Variants in CHAMP1 observed in about 807,000 individuals in gnomAD.
CHAMP1 encodes chromosome alignment-maintaining phosphoprotein 1.
CHAMP1 carries 4 observed loss-of-function variants against 54.5 expected under a neutral mutation model. That is an observed-to-expected ratio of 0.07 (90% CI 0.04 to 0.17). The LOEUF (loss-of-function observed/expected upper bound fraction) is 0.17. CHAMP1 is among the 10% of genes least tolerant of loss of function. CHAMP1 has a pLI of 1.00. For synonymous variants in CHAMP1, 368 were observed against 342.2 expected (o/e 1.08, Z -0.83); for missense variants, 994 against 968.6 (o/e 1.03, Z -0.35).
At position 114,326,710 on chromosome 13, in the gene CHAMP1, A is replaced by G. The variant is rs532020013; in HGVS notation, c.*429A>G. The G allele has an allele frequency of 6.8e-4, 115 of 168,188 alleles. No individual in the cohort carries two copies. The highest frequency in any genetic ancestry group is 2.3e-3 in the African/African-American group (97 of 41,638). 10.4% of individuals were successfully genotyped at this position (168,188 alleles called of 1,614,324 possible). A position where few individuals can be genotyped will look rare whatever the true frequency, so the allele number is the denominator to read the frequency against. ...AATTTGAGAAATTTTGTTTCCTTAC[A>G]TGTATTTTTAAATCATAAGAGTTAT... On this transcript the variant is annotated 3_prime_UTR_variant, in exon 3 of 3. Coordinates refer to ENST00000361283, the MANE Select transcript of CHAMP1 (RefSeq NM_032436.4).
rs2087237868 is a variant in CHAMP1 at position 114,325,549 on chromosome 13, C to T, written c.1707C>T (p.Phe569=). Residue 569 remains phenylalanine (F), a synonymous_variant, in exon 3 of 3, where the codon TTC becomes TTT. Coordinates refer to ENST00000361283, the MANE Select transcript of CHAMP1 (RefSeq NM_032436.4). ...CTGAACTCCCCAAATCTGCTCTATT[C>T]TCAGAATCACAGAAGGCTGTTGAGC... is the stretch of plus-strand genomic sequence containing the variant. The part of the protein sequence containing the change: ...LFPELPKSAL[F]SESQKAVELG... The T allele has an allele frequency of 6.2e-7, 1 of 1,614,050 alleles. No homozygotes were observed. The highest frequency in any genetic ancestry group is 1.3e-5 in the African/African-American group (1 of 74,908).
rs1469414337 is a variant in CHAMP1 at position 114,316,531 on chromosome 13, A to T, written c.-179+1888A>T. ...CTTGAACCTGGGAGGTGGAGATTGC[A>T]GTGAGCCGAGATTGCGCCATTACAC... On this transcript the variant is annotated intron_variant, in intron 1 of 2. Transcript: ENST00000361283. Among the ~76,000 whole-genome samples the T allele has an allele frequency of 2.6e-5, 4 of 151,472 alleles. No individual in the cohort carries two copies. The East Asian group carries it at 7.9e-4, about 30-fold the overall frequency.
intron 1 of CHAMP1, among the ~76,000 whole-genome samples, chr13:114,318,183 T>TC (rs1199122047): frequency 7.2e-5 from 11 of 152,200 alleles, no homozygotes; most frequent in Non-Finnish European, 1.6e-4. Context: ...AAAAAACTGT[T>TC]CCCTCTGACC....
chr13:114,324,530 C>A lies in CHAMP1; in HGVS notation c.688C>A (p.Gln230Lys). ...ATLSNPKPQKQSHFPETLGPP... is the reference protein window; with the variant it reads ...ATLSNPKPQKKSHFPETLGPP... Reference sequence around the variant, plus strand: ...TCTTAGTAATCCCAAACCCCAGAAGCAGTCTCATTTCCCGGAAACATTGGG... The same window carrying A: ...TCTTAGTAATCCCAAACCCCAGAAGAAGTCTCATTTCCCGGAAACATTGGG... Residue 230 changes from glutamine (Q) to lysine (K), a missense_variant, in exon 3 of 3, where the codon CAG becomes AAG. Physicochemically the swap from Gln to Lys is moderately conservative, Grantham distance 53. Transcript: ENST00000361283. The A allele has an allele frequency of 6.2e-7, 1 of 1,614,176 alleles. No homozygotes were observed.
At chr13:114,318,764 A>G (rs921262329) in intron 1 of CHAMP1, among the ~76,000 whole-genome samples, 3 of 142,502 alleles carry the variant, frequency 2.1e-5, no homozygotes, top group Non-Finnish European at 4.5e-5. Context: ...GATAGCTCAT[A>G]TATTATCTAT....
chr13:114,327,144 A>T lies in CHAMP1; in HGVS notation c.*863A>T, dbSNP rs1290768386. The T allele has an allele frequency of 1.2e-5, 2 of 167,008 alleles. No individual in the cohort carries two copies. Among genetic ancestry groups the T allele is most frequent in the Non-Finnish European group, 2.9e-5 (2 of 68,112 alleles). 10.3% of individuals were successfully genotyped at this position (167,008 alleles called of 1,614,324 possible). On this transcript the variant is annotated 3_prime_UTR_variant, in exon 3 of 3. Transcript: ENST00000361283. ...AGACCAGGTTGATAAGTAGGAACTG[A>T]AAGTCTTCCAGATTCACAGTAGAAA...
intron 1 of CHAMP1, among the ~76,000 whole-genome samples, chr13:114,315,185 C>A (rs1007309975): frequency 6.6e-6 from 1 of 152,142 alleles, no homozygotes; most frequent in Admixed American, 6.5e-5. Context: ...TGCTCAACAT[C>A]ACTAACCATT....
intron 2 of CHAMP1, chr13:114,322,583 A>C (rs566593648): frequency 6.6e-6 from 1 of 152,334 alleles, no homozygotes; most frequent in East Asian, 1.9e-4. Flanking sequence ...CAGTAATAGA[A>C]GTTTTTGAGA....
At chr13:114,319,155 C>T (rs1402745886) in intron 1 of CHAMP1, among the ~76,000 whole-genome samples, 1 of 152,058 alleles carries the variant, frequency 6.6e-6, no homozygotes, top group Non-Finnish European at 1.5e-5. Flanking sequence ...GATAGCAGAA[C>T]TTTATTCTCT....
chr13:114,325,410 C>G lies in CHAMP1; in HGVS notation c.1568C>G (p.Thr523Ser). The change falls in exon 3 of 3, where the codon ACT becomes AGT. Residue 523 changes from threonine (T) to serine (S), a missense_variant. Physicochemically the swap from Thr to Ser is moderately conservative, Grantham distance 58. Transcript: ENST00000361283. The stretch of plus-strand genomic sequence containing the variant: ...TGGAAGCCTGTTCTCTCTATCGATA[C>G]TGAGCCTAGAAAACCTGCCCTGTTT... ...DIWKPVLSID[T>S]EPRKPALFPE... 6.2e-7 allele frequency: 1 copy of G among 1,614,170 alleles called. No individual in the cohort carries two copies. Among genetic ancestry groups the G allele is most frequent in the Non-Finnish European group, 8.5e-7 (1 of 1,180,038 alleles).
chr13:114,325,512 A>G lies in CHAMP1; in HGVS notation c.1670A>G (p.His557Arg), dbSNP rs1555379839. ...KRALFPEPRK[H>R]ALFPELPKSA... ...GCCCTTTTTCCAGAGCCCCGGAAGC[A>G]TGCCCTTTTCCCTGAACTCCCCAAA... The change falls in exon 3 of 3, where the codon CAT becomes CGT. Residue 557 changes from histidine to arginine, a missense_variant. Around this residue, in one of 3 missense-constraint regions of CHAMP1, gnomAD observed 851 missense variants for 701.3 expected, o/e 1.21. Transcript: ENST00000361283. The G allele has an allele frequency of 5.0e-6, 8 of 1,614,182 alleles. No individual in the cohort carries two copies. Among genetic ancestry groups the G allele is most frequent in the Non-Finnish European group, 4.2e-6 (5 of 1,180,044 alleles).
At chr13:114,317,539 T>G (rs1242387624) in intron 1 of CHAMP1, among the ~76,000 whole-genome samples, 1 of 152,006 alleles carries the variant, frequency 6.6e-6, no homozygotes, top group African/African-American at 2.4e-5. Context: ...CGGGGGGATC[T>G]CTGGAGCCCA....
At chr13:114,323,140 G>A (rs529070562) in intron 2 of CHAMP1, 1 of 152,184 alleles carries the variant, frequency 6.6e-6, no homozygotes, top group East Asian at 1.9e-4. Context: ...ACGCCATATT[G>A]CAAAGCACTG....
chr13:114,325,927 AGAG>A lies in CHAMP1; in HGVS notation c.2089_2091del (p.Glu697del). 6.2e-7 allele frequency: 1 copy of A among 1,614,164 alleles called. No homozygotes were observed. The highest frequency in any genetic ancestry group is 8.5e-7 in the Non-Finnish European group (1 of 1,180,006). Reference sequence around the variant, plus strand: ...AAGAAAAAGAAGCTTTTATCTCTGAAGAGGAGATTGCAAAATACATGAAGCGTG... The same window carrying A: ...AAGAAAAAGAAGCTTTTATCTCTGAAGAGATTGCAAAATACATGAAGCGTG... On this transcript the variant is annotated inframe_deletion, in exon 3 of 3. Coordinates refer to ENST00000361283, the MANE Select transcript of CHAMP1 (RefSeq NM_032436.4).
chr13:114,325,236 T>C lies in CHAMP1; in HGVS notation c.1394T>C (p.Phe465Ser). ...QRKTSPASLDFPESQKSSRGG... is the reference protein window; with the variant it reads ...QRKTSPASLDSPESQKSSRGG... ...AAAACTTCTCCTGCTTCACTTGATT[T>C]CCCTGAGTCCCAGAAAAGTTCCCGT... The change falls in exon 3 of 3, where the codon TTC becomes TCC. Residue 465 changes from phenylalanine to serine, a missense_variant. Physicochemically the swap from Phe to Ser is radical, Grantham distance 155 (BLOSUM62 -2). Transcript: ENST00000361283. 6.2e-7 allele frequency: 1 copy of C among 1,614,154 alleles called. No homozygotes were observed. Among genetic ancestry groups the C allele is most frequent in the Non-Finnish European group, 8.5e-7 (1 of 1,180,028 alleles).
rs534613465 is a variant in CHAMP1 at position 114,326,470 on chromosome 13, T to C, written c.*189T>C. On this transcript the variant is annotated 3_prime_UTR_variant, in exon 3 of 3. Transcript: ENST00000361283. ...CTGGTCTCTGTCTATGTGACTATCT[T>C]GTAAGTCAATAAATTTCTGTATAGT... 444 of 573,562 alleles carry C rather than the reference T, an allele frequency of 7.7e-4. No homozygotes were observed. The highest frequency in any genetic ancestry group is 1.2e-3 in the Non-Finnish European group (403 of 342,204). The allele number at this position is 573,562 out of a possible 1,614,324, so 35.5% of individuals were successfully genotyped here.
In CHAMP1 at chr13:114,325,771, G is replaced by A. The variant is rs782806654; in HGVS notation, c.1929G>A (p.Ala643=). Residue 643 remains alanine (A), a synonymous_variant, in exon 3 of 3, where the codon GCG becomes GCA. Coordinates refer to ENST00000361283, the MANE Select transcript of CHAMP1 (RefSeq NM_032436.4). The stretch of plus-strand genomic sequence containing the variant: ...AGTACATAAAAACAGATTTGGATGC[G>A]ATGGATATTAAGGGCCAGGAATCAA... ...SSEYIKTDLD[A]MDIKGQESSS... is the part of the protein sequence containing the mutation. The A allele has an allele frequency of 5.6e-6, 9 of 1,614,048 alleles. No homozygotes were observed. Among genetic ancestry groups the A allele is most frequent in the Admixed American group, 5.0e-5 (3 of 60,010 alleles).
At chr13:114,315,272 A>G (rs1226098308) in intron 1 of CHAMP1, among the ~76,000 whole-genome samples, 2 of 152,156 alleles carry the variant, frequency 1.3e-5, no homozygotes, top group African/African-American at 4.8e-5. Flanking sequence ...AAGGGAAATT[A>G]TGAGTGTTGG....
In CHAMP1 at chr13:114,324,511, T is replaced by A; in HGVS notation, c.669T>A (p.Ser223Arg). Residue 223 changes from serine to arginine, a missense_variant, in exon 3 of 3, where the codon AGT (serine) becomes AGA (arginine). Ser to Arg is a moderately radical substitution (Grantham distance 110). Transcript: ENST00000361283. ...VSPESVKATL[S>R]NPKPQKQSHF... Reference sequence around the variant, plus strand: ...CTGAGTCAGTAAAGGCTACTCTTAGTAATCCCAAACCCCAGAAGCAGTCTC... The same window carrying A: ...CTGAGTCAGTAAAGGCTACTCTTAGAAATCCCAAACCCCAGAAGCAGTCTC... 3 of 1,614,026 alleles carry A rather than the reference T, an allele frequency of 1.9e-6. No homozygotes were observed. Among genetic ancestry groups the A allele is most frequent in the South Asian group, 1.1e-5 (1 of 91,082 alleles).
Sources: allele counts gnomAD v4.1 joint callset (sites outside exome capture counted in the v4.1 genomes callset), GRCh38; gene constraint gnomAD v4.1.1; regional missense constraint gnomAD v4.1.1; transcripts MANE v1.5; gene names NCBI Gene and HGNC (gene_info 2026-07-23, HGNC 2026-07-21).